The following GUCY1A2 variants were observed in gnomAD, a reference collection of about 807,000 sequenced individuals.
The protein encoded by GUCY1A2 is guanylate cyclase 1 soluble subunit alpha 2.
In GUCY1A2, 27 loss-of-function variants were observed where a neutral mutation model predicts 63.5. The ratio of observed to expected loss-of-function variants is 0.43; its 90% confidence interval spans 0.31 to 0.59. The LOEUF (loss-of-function observed/expected upper bound fraction) is 0.59. Among genes scored for constraint, GUCY1A2 ranks in the 20% least tolerant of loss-of-function variants. The probability of loss-of-function intolerance (pLI) is 0.11; values close to 1 mark genes in which losing one functional copy is unlikely to be tolerated. For missense variants in GUCY1A2, 768 were observed against 913.3 expected (o/e 0.84, Z 2.05); for synonymous variants, 364 against 343.5 (o/e 1.06, Z -0.66).
chr11:106,689,092 CAATG>C (rs1284096498), intron 7 of GUCY1A2, among the ~76,000 whole-genome samples: 1 of 152,034 alleles, frequency 6.6e-6, no homozygotes, highest in Non-Finnish European at 1.5e-5. Context: ...GCAAAAGAAA[CAATG>C]AGCACAAGAA....
At chr11:106,957,671 T>C (rs1408693205) in intron 3 of GUCY1A2, among the ~76,000 whole-genome samples, 2 of 151,838 alleles carry the variant, frequency 1.3e-5, no homozygotes, top group Admixed American at 6.6e-5. Flanking sequence ...AGGATTCACA[T>C]GCTTAGATTT....
intron 4 of GUCY1A2, among the ~76,000 whole-genome samples, chr11:106,879,048 G>T (rs1211225758): frequency 6.6e-6 from 1 of 152,000 alleles, no homozygotes; most frequent in Non-Finnish European, 1.5e-5. Context: ...TCTCTACAAA[G>T]GCTTCTATGA....
intron 6 of GUCY1A2, among the ~76,000 whole-genome samples, chr11:106,740,233 C>T (rs11211888): frequency 0.034 from 5,120 of 152,048 alleles, 98 homozygotes; most frequent in African/African-American, 0.045. Context: ...CTCCTCACCT[C>T]AGGTGACCCA....
chr11:106,702,226 T>G (rs910872304), intron 7 of GUCY1A2, among the ~76,000 whole-genome samples: 2 of 152,204 alleles, frequency 1.3e-5, no homozygotes, highest in African/African-American at 2.4e-5. Context: ...TGATGAGATA[T>G]TGGAGCTAAA....
At chr11:106,836,583 G>A (rs1010840575) in intron 4 of GUCY1A2, among the ~76,000 whole-genome samples, 1 of 151,908 alleles carries the variant, frequency 6.6e-6, no homozygotes, top group African/African-American at 2.4e-5. Flanking sequence ...CTTCATGTGG[G>A]CCCCATGGTG....
At chr11:106,792,530 G>C (rs775168962) in intron 5 of GUCY1A2, among the ~76,000 whole-genome samples, 6 of 151,918 alleles carry the variant, frequency 3.9e-5, no homozygotes, top group Non-Finnish European at 5.9e-5. Flanking sequence ...ATTATCTCAA[G>C]AGATGCAGAA....
intron 4 of GUCY1A2, among the ~76,000 whole-genome samples, chr11:106,816,393 T>C (rs1392773629): frequency 6.6e-6 from 1 of 151,662 alleles, no homozygotes. Flanking sequence ...AAAAGAGGAA[T>C]TGTTAACAGA....
rs558635358 is a variant in GUCY1A2, at chr11:106,891,701, C to T, written c.1206+47759G>A. 1.2e-3 allele frequency among the ~76,000 whole-genome samples: 189 copies of T among 152,100 alleles called. 1 individual carries two copies. Among genetic ancestry groups the T allele is most frequent in the African/African-American group, 4.3e-3 (177 of 41,534 alleles). ...TATTCTTTATTGAATTGCTTTGGTG[C>T]CTTTGTCAAAAATCAATATATATTT... On this transcript the variant is annotated intron_variant, in intron 4 of 7. Transcript: ENST00000526355.
intron 4 of GUCY1A2, among the ~76,000 whole-genome samples, chr11:106,834,053 ATATT>A (rs1859086269): frequency 6.6e-6 from 1 of 152,026 alleles, no homozygotes; most frequent in African/African-American, 2.4e-5. Flanking sequence ...CATATTTCAC[ATATT>A]TATTTTTTGT....
At chr11:106,801,647 C>T (rs1858605190) in intron 5 of GUCY1A2, among the ~76,000 whole-genome samples, 2 of 152,094 alleles carry the variant, frequency 1.3e-5, no homozygotes, top group African/African-American at 2.4e-5. Context: ...TCAAAAGGGA[C>T]ACTTATTATT....
chr11:106,900,951 G>A (rs1387593370), intron 4 of GUCY1A2, among the ~76,000 whole-genome samples: 2 of 152,178 alleles, frequency 1.3e-5, no homozygotes, highest in African/African-American at 2.4e-5. Flanking sequence ...GAAGGTTGAG[G>A]TAGTTCTGAC....
At chr11:106,717,493 C>A (rs1863236204) in intron 6 of GUCY1A2, among the ~76,000 whole-genome samples, 1 of 152,098 alleles carries the variant, frequency 6.6e-6, no homozygotes, top group Non-Finnish European at 1.5e-5. Flanking sequence ...TATGAGCTAG[C>A]AAGTTAATAC....
chr11:106,762,477 G>T (rs953176574), intron 6 of GUCY1A2, among the ~76,000 whole-genome samples: 1 of 151,918 alleles, frequency 6.6e-6, no homozygotes, highest in African/African-American at 2.4e-5. Flanking sequence ...TAATTCCTTA[G>T]GCTAATAAAA....
chr11:106,755,471 C>T (rs1645676313), intron 6 of GUCY1A2, among the ~76,000 whole-genome samples: 1 of 152,062 alleles, frequency 6.6e-6, no homozygotes, highest in Non-Finnish European at 1.5e-5. Flanking sequence ...CCTGCTTTCT[C>T]TTGTGGGTAT....
chr11:106,860,501 T>A (rs1426610823), intron 4 of GUCY1A2, among the ~76,000 whole-genome samples: 2 of 151,958 alleles, frequency 1.3e-5, no homozygotes, highest in African/African-American at 4.8e-5. Flanking sequence ...TTTGCTGTCA[T>A]TAGGGGCAAC....
rs1434788425 is a variant in GUCY1A2 at position 106,687,488 on chromosome 11, C to G, written c.*61G>C. The G allele has an allele frequency of 5.9e-6, 7 of 1,183,016 alleles. No individual in the cohort carries two copies. The Admixed American group carries it at 1.0e-4, about 17-fold the overall frequency. 73.3% of individuals were successfully genotyped at this position (1,183,016 alleles called of 1,614,324 possible). A position where few individuals can be genotyped will look rare whatever the true frequency, so the allele number is the denominator to read the frequency against. On this transcript the variant is annotated 3_prime_UTR_variant, in exon 8 of 8. Coordinates refer to ENST00000526355, the MANE Select transcript of GUCY1A2 (RefSeq NM_000855.3). ...AGAGACACAATCTCTTTCCACCCCC[C>G]ATTGGTGACCCATGTTCTGGGCTTG...
chr11:106,952,433 T>A (rs1433609806), intron 3 of GUCY1A2, among the ~76,000 whole-genome samples: 1 of 152,114 alleles, frequency 6.6e-6, no homozygotes, highest in African/African-American at 2.4e-5. Context: ...GGTTTGTAGT[T>A]CTCCTTGAAG....
At chr11:106,759,465 G>A (rs1864028205) in intron 6 of GUCY1A2, among the ~76,000 whole-genome samples, 1 of 152,176 alleles carries the variant, frequency 6.6e-6, no homozygotes, top group Non-Finnish European at 1.5e-5. Context: ...GGATGGAATT[G>A]TGCCCTACCC....
chr11:106,753,677 T>G (rs1863922837), intron 6 of GUCY1A2, among the ~76,000 whole-genome samples: 1 of 152,214 alleles, frequency 6.6e-6, no homozygotes, highest in African/African-American at 2.4e-5. Flanking sequence ...ATGTGTGGTG[T>G]TATTTCTGAG....
Sources: gnomAD v4.1 joint callset for allele counts (sites outside exome capture counted in the v4.1 genomes callset) on GRCh38, gnomAD v4.1.1 for gene constraint, MANE v1.5 for transcripts, NCBI Gene and HGNC (gene_info 2026-07-23, HGNC 2026-07-21) for gene names.